The following HLCS variants were observed in gnomAD, a reference collection of about 807,000 sequenced individuals.
HLCS encodes the protein biotin--protein ligase.
HLCS carries 53 observed loss-of-function variants against 75.0 expected under a neutral mutation model. The observed-to-expected ratio is 0.71, with a 90% CI of 0.57 to 0.89. The LOEUF (loss-of-function observed/expected upper bound fraction) is 0.89. HLCS is among the 40% of genes least tolerant of loss of function. The probability of loss-of-function intolerance (pLI) is 0.00; values close to 1 mark genes in which losing one functional copy is unlikely to be tolerated. For missense variants in HLCS, 966 were observed against 1,074.0 expected (o/e 0.90, Z 1.41); for synonymous variants, 431 against 428.6 (o/e 1.01, Z -0.07).
At chr21:36,906,958 G>C (rs1308791741) in intron 5 of HLCS, among the ~76,000 whole-genome samples, 1 of 152,032 alleles carries the variant, frequency 6.6e-6, no homozygotes, top group African/African-American at 2.4e-5. Flanking sequence ...CACCCAGTGG[G>C]GAGTGCAGTG....
intron 6 of HLCS, among the ~76,000 whole-genome samples, chr21:36,775,482 T>C (rs186687242): frequency 2.6e-5 from 4 of 152,308 alleles, no homozygotes; most frequent in Non-Finnish European, 1.5e-5. Flanking sequence ...GAAGCTTGCA[T>C]AGAGAGAAAT....
intron 6 of HLCS, among the ~76,000 whole-genome samples, chr21:36,811,851 C>T (rs1448213453): frequency 6.6e-6 from 1 of 152,146 alleles, no homozygotes; most frequent in Non-Finnish European, 1.5e-5. Context: ...GGACTGGCAG[C>T]GGGGGCTGCA....
At chr21:36,894,609 C>T (rs2064935417) in intron 6 of HLCS, among the ~76,000 whole-genome samples, 1 of 152,120 alleles carries the variant, frequency 6.6e-6, no homozygotes, top group Non-Finnish European at 1.5e-5. Flanking sequence ...GCTAAGGCCG[C>T]CAACAACCAT....
At chr21:36,934,584 C>T (rs909062368) in intron 4 of HLCS, among the ~76,000 whole-genome samples, 6 of 152,206 alleles carry the variant, frequency 3.9e-5, no homozygotes, top group Non-Finnish European at 8.8e-5. Flanking sequence ...ATCAGTACAG[C>T]GAGCATACAA....
In HLCS at chr21:36,752,526, T is replaced by G. The variant is rs1264465650; in HGVS notation, c.*1720A>C. 6.6e-6 allele frequency: 1 copy of G among 152,632 alleles called. No individual in the cohort carries two copies. Among genetic ancestry groups the G allele is most frequent in the African/African-American group, 2.4e-5 (1 of 41,448 alleles). The allele number at this position is 152,632 out of a possible 1,614,324, so 9.5% of individuals were successfully genotyped here. On this transcript the variant is annotated 3_prime_UTR_variant, in exon 11 of 11. Coordinates refer to ENST00000674895, the MANE Select transcript of HLCS (RefSeq NM_001352514.2). ...CCCTGATGATATTCTGCAGATGCCC[T>G]CTCAAGGGTAAGTCCATTTTGTAAT...
At chr21:36,962,793 CAAAAAAAAAAA>C (rs386394699) in intron 1 of HLCS, among the ~76,000 whole-genome samples, 2 of 80,228 alleles carry the variant, frequency 2.5e-5, no homozygotes, top group South Asian at 5.2e-4. Flanking sequence ...GACCCTATCT[CAAAAAAAAAAA>C]AAAAAAAAAA....
intron 6 of HLCS, among the ~76,000 whole-genome samples, chr21:36,873,417 T>C (rs1435794214): frequency 6.6e-6 from 1 of 152,098 alleles, no homozygotes. Context: ...CACCCAGCCA[T>C]TGCTGGCATT....
chr21:36,804,415 GTTC>G (rs1173233110), intron 6 of HLCS: 1 of 152,238 alleles, frequency 6.6e-6, no homozygotes, highest in Non-Finnish European at 1.5e-5. Context: ...AAGCCGCTGG[GTTC>G]CTCCATATAC....
chr21:36,806,643 TAGAGCA>T (rs1383137621), intron 6 of HLCS, among the ~76,000 whole-genome samples: 1 of 152,148 alleles, frequency 6.6e-6, no homozygotes, highest in Non-Finnish European at 1.5e-5. Flanking sequence ...ATGGTGAAAC[TAGAGCA>T]ATTCCCAGAA....
chr21:36,989,526 A>G (rs1001895582), intron 1 of HLCS, among the ~76,000 whole-genome samples: 28 of 149,088 alleles, frequency 1.9e-4, no homozygotes, highest in Admixed American at 1.5e-3. Flanking sequence ...ACACGGTTTC[A>G]CCATGTTGCC....
chr21:36,756,352 G>A (rs2089584054), intron 10 of HLCS, among the ~76,000 whole-genome samples, 190 bp downstream of exon 10: 1 of 150,310 alleles, frequency 6.7e-6, no homozygotes, highest in South Asian at 2.1e-4. Flanking sequence ...ACGAGAGACT[G>A]AGGCAGGAGA....
chr21:36,891,162 T>C (rs1302702034), intron 6 of HLCS, among the ~76,000 whole-genome samples: 1 of 152,192 alleles, frequency 6.6e-6, no homozygotes, highest in Non-Finnish European at 1.5e-5. Flanking sequence ...AGAATGGGGA[T>C]GTAGCTTCTT....
At position 36,765,161 on chromosome 21, in the gene HLCS, T is replaced by C; in HGVS notation, c.1972A>G (p.Asn658Asp). 3 of 1,613,918 alleles carry C rather than the reference T, an allele frequency of 1.9e-6. No individual in the cohort carries two copies. The highest frequency in any genetic ancestry group is 2.5e-6 in the Non-Finnish European group (3 of 1,179,958). ...RQTEGKGRGG[N>D]VWLSPVGCAL... is the part of the protein sequence containing the mutation. Reference sequence around the variant, plus strand: ...CATCCCACAGGGCTCAGCCACACATTCCCTCCCCGTCCTGGAACACAGGCC... The same window carrying C: ...CATCCCACAGGGCTCAGCCACACATCCCCTCCCCGTCCTGGAACACAGGCC... The change falls in exon 8 of 11, where the codon AAT becomes GAT. Residue 658 changes from asparagine (N) to aspartate (D), a missense_variant. Physicochemically the swap from Asn to Asp is conservative, Grantham distance 23. Coordinates refer to ENST00000674895, the MANE Select transcript of HLCS (RefSeq NM_001352514.2).
chr21:36,850,441 G>C (rs1044850186), intron 6 of HLCS, among the ~76,000 whole-genome samples: 31 of 152,176 alleles, frequency 2.0e-4, no homozygotes, highest in African/African-American at 7.2e-4. Context: ...TGGTCAGGGA[G>C]TCTGAGAAAA....
intron 5 of HLCS, among the ~76,000 whole-genome samples, chr21:36,921,119 T>A (rs1337157846): frequency 6.6e-6 from 1 of 152,204 alleles, no homozygotes; most frequent in Non-Finnish European, 1.5e-5. Flanking sequence ...ACCTAGGGCA[T>A]ACAAAAGCAA....
At chr21:36,902,792 G>A (rs898641697) in intron 5 of HLCS, among the ~76,000 whole-genome samples, 9 of 151,910 alleles carry the variant, frequency 5.9e-5, no homozygotes, top group Admixed American at 1.3e-4. Context: ...TGAGCACCAC[G>A]GAAGGTCAGC....
chr21:36,883,664 G>A (rs1430082874), intron 6 of HLCS, among the ~76,000 whole-genome samples: 2 of 152,152 alleles, frequency 1.3e-5, no homozygotes, highest in African/African-American at 4.8e-5. Context: ...GCTATCAGCA[G>A]CGCTGTGTGG....
At chr21:36,815,248 C>T (rs913692000) in intron 6 of HLCS, among the ~76,000 whole-genome samples, 2 of 152,046 alleles carry the variant, frequency 1.3e-5, no homozygotes, top group Non-Finnish European at 2.9e-5. Context: ...ATGCTGGTCT[C>T]GAACTCCAGA....
intron 6 of HLCS, among the ~76,000 whole-genome samples, chr21:36,798,551 C>T (rs1346923768): frequency 6.6e-6 from 1 of 152,202 alleles, no homozygotes; most frequent in Non-Finnish European, 1.5e-5. Context: ...GATTGATCTG[C>T]TCACTATGTA....
Sources: gnomAD v4.1 joint callset for allele counts (sites outside exome capture counted in the v4.1 genomes callset) on GRCh38, gnomAD v4.1.1 for gene constraint, MANE v1.5 for transcripts, NCBI Gene and HGNC (gene_info 2026-07-23, HGNC 2026-07-21) for gene names.